STX18: variants seen among roughly 807,000 people sequenced by gnomAD.
STX18 encodes the protein syntaxin-18.
Under a neutral mutation model 50.1 loss-of-function variants are expected in STX18, and 40 were observed. The observed-to-expected ratio is 0.80, with a 90% confidence interval of 0.62 to 1.04. The LOEUF (loss-of-function observed/expected upper bound fraction) is 1.04. STX18 is among the 50% of genes least tolerant of loss of function. STX18 has a pLI of 0.00. For synonymous variants in STX18, 158 were observed against 151.8 expected (o/e 1.04, Z -0.30); for missense variants, 410 against 415.8 (o/e 0.99, Z 0.12).
intron 1 of STX18, among the ~76,000 whole-genome samples, chr4:4,527,867 C>CACACATATAT (rs372566368): frequency 3.9e-4 from 53 of 137,206 alleles, no homozygotes; most frequent in Non-Finnish European, 5.0e-4. Context: ...CACACACACA[C>CACACATATAT]ATATATATAT....
At chr4:4,465,015 T>C (rs1727555323) in intron 2 of STX18, among the ~76,000 whole-genome samples, 1 of 152,168 alleles carries the variant, frequency 6.6e-6, no homozygotes, top group Non-Finnish European at 1.5e-5. Context: ...TCTTTTAGTT[T>C]TGATGTTAGG....
intron 1 of STX18, among the ~76,000 whole-genome samples, chr4:4,503,733 G>GTT (rs1729567649): frequency 6.6e-6 from 1 of 151,986 alleles, no homozygotes; most frequent in Non-Finnish European, 1.5e-5. Flanking sequence ...AAATGGAAAT[G>GTT]TGAGTTCAAG....
chr4:4,495,469 G>A (rs1197550907), intron 1 of STX18, among the ~76,000 whole-genome samples: 3 of 151,620 alleles, frequency 2.0e-5, no homozygotes, highest in African/African-American at 4.8e-5. Flanking sequence ...CCTCAATGCA[G>A]CCTCAAACTT....
At chr4:4,526,068 G>A (rs993440734) in intron 1 of STX18, among the ~76,000 whole-genome samples, 3 of 152,154 alleles carry the variant, frequency 2.0e-5, no homozygotes, top group African/African-American at 7.2e-5. Flanking sequence ...GAGGTGGGTA[G>A]GCTAGCTTTA....
rs754552653 is a variant in STX18 at position 4,541,836 on chromosome 4, G to C, written c.129C>G (p.Pro43=). 2.8e-5 allele frequency: 45 copies of C among 1,611,180 alleles called. No homozygotes were observed. The highest frequency in any genetic ancestry group is 3.6e-5 in the Non-Finnish European group (42 of 1,179,142). The stretch of plus-strand genomic sequence containing the variant: ...GGCTGGAGAAGTCGCCCTTGGGCCG[G>C]GGGCTCCGGCGGAACAGCTCGTCCC... ...GSRDELFRRS[P]RPKGDFSSRA... Residue 43 remains proline (P), a synonymous_variant, in exon 1 of 11, where the codon CCC becomes CCG. Coordinates refer to ENST00000306200, the MANE Select transcript of STX18 (RefSeq NM_016930.4).
rs1016056189 is a variant in STX18 at position 4,466,482 on chromosome 4, C to G, written c.236+5157G>C. Among the ~76,000 whole-genome samples, 4 of 152,170 alleles carry G rather than the reference C, an allele frequency of 2.6e-5. No individual in the cohort carries two copies. The East Asian group carries it at 7.7e-4, about 29-fold the overall frequency. On this transcript the variant is annotated intron_variant, in intron 2 of 10. Transcript: ENST00000306200. Reference sequence around the variant, plus strand: ...TGAAGAGGGAAGCACGTGATTCCATCTACGATGATAAGGACTACACCTGTG... The same window carrying G: ...TGAAGAGGGAAGCACGTGATTCCATGTACGATGATAAGGACTACACCTGTG...
chr4:4,479,903 C>T (rs1459255605), intron 1 of STX18, among the ~76,000 whole-genome samples: 1 of 143,252 alleles, frequency 7.0e-6, no homozygotes, highest in African/African-American at 2.6e-5. Flanking sequence ...CCTGTGAGAG[C>T]TGGTCCTATC....
intron 1 of STX18, among the ~76,000 whole-genome samples, chr4:4,501,261 G>C (rs1223220581): frequency 6.6e-6 from 1 of 152,052 alleles, no homozygotes; most frequent in African/African-American, 2.4e-5. Context: ...TAAAAGTTAG[G>C]AGCATTTCTA....
Position 4,498,780 on chromosome 4 carries a change from G to GT in STX18, c.169-27075dup, listed in dbSNP as rs575566113. Among the ~76,000 whole-genome samples, 22 of 152,194 alleles carry GT rather than the reference G, an allele frequency of 1.4e-4. No homozygotes were observed. The East Asian group carries it at 4.1e-3, about 28-fold the overall frequency. On this transcript the variant is annotated intron_variant, in intron 1 of 10. Transcript: ENST00000306200. ...TTTAAGTTTTAAGAAAAAGATCTAG[G>GT]TTTTTTTATTTGATAAAAAGAGAGA...
At chr4:4,442,779 C>A in intron 5 of STX18, among the ~76,000 whole-genome samples, 1 of 140,836 alleles carries the variant, frequency 7.1e-6, no homozygotes, top group Non-Finnish European at 1.5e-5. Flanking sequence ...GAACGTAAAA[C>A]TGCTCTTAAA....
intron 1 of STX18, among the ~76,000 whole-genome samples, chr4:4,510,116 C>T (rs972791983): frequency 4.6e-5 from 7 of 152,138 alleles, no homozygotes; most frequent in East Asian, 1.9e-4. Context: ...GAAATCACCA[C>T]GCATCGTTTT....
Position 4,420,058 on chromosome 4 carries a change from G to A in STX18, c.984C>T (p.Leu328=). ...FFLVMCSFSL[L]FLDWYDS Reference sequence around the variant, plus strand: ...GCTAGCTGTCGTACCAGTCGAGGAAGAGCAAGGAGAAGGAGCACATCACGA... The same window carrying A: ...GCTAGCTGTCGTACCAGTCGAGGAAAAGCAAGGAGAAGGAGCACATCACGA... Residue 328 remains leucine, a synonymous_variant, in exon 11 of 11, where the codon CTC becomes CTT. Coordinates refer to ENST00000306200, the MANE Select transcript of STX18 (RefSeq NM_016930.4). This position sits in a 1 kb window ranked among gnomAD's most constrained non-coding sequence, Gnocchi z 4.3. 4 of 1,613,166 alleles carry A rather than the reference G, an allele frequency of 2.5e-6. No individual in the cohort carries two copies. The highest frequency in any genetic ancestry group is 1.7e-6 in the Non-Finnish European group (2 of 1,179,596).
At chr4:4,501,340 T>A (rs186285964) in intron 1 of STX18, among the ~76,000 whole-genome samples, 44 of 152,310 alleles carry the variant, frequency 2.9e-4, no homozygotes, top group African/African-American at 1.0e-3. Context: ...CCCAGCCTCC[T>A]AGGCAGGCAG....
chr4:4,480,542 G>C (rs895493106), intron 1 of STX18, among the ~76,000 whole-genome samples: 7 of 152,202 alleles, frequency 4.6e-5, no homozygotes, highest in African/African-American at 1.7e-4. Flanking sequence ...ACCATCTTCT[G>C]AGTTTTGAAT....
chr4:4,449,088 C>A (rs1447843325), intron 5 of STX18, among the ~76,000 whole-genome samples: 2 of 137,840 alleles, frequency 1.5e-5, no homozygotes, highest in Non-Finnish European at 3.0e-5. Flanking sequence ...ACTCTGTTGT[C>A]CAGGCTAGAG....
intron 1 of STX18, among the ~76,000 whole-genome samples, chr4:4,475,143 ACAGAGGC>A (rs1464185286): frequency 4.6e-5 from 7 of 152,202 alleles, no homozygotes; most frequent in Non-Finnish European, 7.3e-5. Flanking sequence ...AGCAAGCTCC[ACAGAGGC>A]CCACAAGCAC....
intron 1 of STX18, among the ~76,000 whole-genome samples, chr4:4,488,829 ACAGT>A (rs913931896): frequency 2.0e-5 from 3 of 152,144 alleles, no homozygotes; most frequent in African/African-American, 7.2e-5. Context: ...GAGCCAGGAG[ACAGT>A]CAGCCTGGCT....
intron 1 of STX18, among the ~76,000 whole-genome samples, chr4:4,530,699 G>A (rs374026360): frequency 8.5e-5 from 13 of 152,254 alleles, no homozygotes; most frequent in South Asian, 4.1e-4. Context: ...TCTGCTTCCC[G>A]GGTTCAAGCA....
intron 1 of STX18, among the ~76,000 whole-genome samples, chr4:4,506,636 A>AC (rs565637930): frequency 1.2e-4 from 19 of 152,010 alleles, no homozygotes; most frequent in Non-Finnish European, 2.5e-4. Flanking sequence ...AGAGTACAAG[A>AC]CCCCCCGTGG....
Sources: gnomAD v4.1 joint callset for allele counts (sites outside exome capture counted in the v4.1 genomes callset) on GRCh38, gnomAD v4.1.1 for gene constraint, Gnocchi (gnomAD v3.1) non-coding constraint, MANE v1.5 for transcripts, NCBI Gene and HGNC (gene_info 2026-07-23, HGNC 2026-07-21) for gene names.